The following LARP1B variants were observed in gnomAD, a reference collection of about 807,000 sequenced individuals.
LARP1B encodes La ribonucleoprotein 1B, also known as la-related protein 1B.
LARP1B carries 76 observed loss-of-function variants against 114.2 expected under a neutral mutation model. That is an observed-to-expected ratio of 0.67 (90% confidence interval 0.55 to 0.81). LARP1B has a LOEUF of 0.81. Ranked by LOEUF, LARP1B falls within the 30% of genes least tolerant of loss-of-function variation. LARP1B has a pLI of 0.00. For synonymous variants in LARP1B, 345 were observed against 348.0 expected, an observed-to-expected ratio of 0.99 and a Z score of 0.10; for missense variants, 1,014 against 1,075.8, an observed-to-expected ratio of 0.94 and a Z score of 0.80.
chr4:128,175,491 T>A (rs1189778750), intron 12 of LARP1B, among the ~76,000 whole-genome samples: 1 of 152,208 alleles, frequency 6.6e-6, no homozygotes, highest in East Asian at 1.9e-4. Flanking sequence ...AATTCCATCA[T>A]TCCTTCTGCA....
intron 11 of LARP1B, chr4:128,122,956 AG>A (rs1788474082): frequency 2.0e-6 from 2 of 983,552 alleles, no homozygotes; most frequent in African/African-American, 3.5e-5. Context: ...AAGCCCCAAT[AG>A]TTAAATATTT....
At chr4:128,209,255 C>T (rs1758435167) in intron 19 of LARP1B, among the ~76,000 whole-genome samples, 1 of 152,104 alleles carries the variant, frequency 6.6e-6, no homozygotes, top group Non-Finnish European at 1.5e-5. Flanking sequence ...CCCGTCTCTA[C>T]TAAAAATACG....
chr4:128,094,525 GC>G (rs1580255384), intron 7 of LARP1B, among the ~76,000 whole-genome samples: 1 of 149,622 alleles, frequency 6.7e-6, no homozygotes, highest in East Asian at 2.0e-4. Context: ...TCCTGCCTTA[GC>G]CTCTCGAATA....
chr4:128,070,255 G>A (rs1162007345), intron 1 of LARP1B, among the ~76,000 whole-genome samples: 1 of 151,960 alleles, frequency 6.6e-6, no homozygotes, highest in Non-Finnish European at 1.5e-5. Flanking sequence ...GGGAGGCGGA[G>A]CTTGCAGTGA....
At chr4:128,190,125 T>C (rs1365681524) in intron 15 of LARP1B, among the ~76,000 whole-genome samples, 1 of 152,236 alleles carries the variant, frequency 6.6e-6, no homozygotes, top group African/African-American at 2.4e-5. Flanking sequence ...TAGTGATGAA[T>C]TCCCTTAGCT....
At chr4:128,068,537 A>C (rs1403477805) in intron 1 of LARP1B, among the ~76,000 whole-genome samples, 1 of 152,002 alleles carries the variant, frequency 6.6e-6, no homozygotes, top group African/African-American at 2.4e-5. Flanking sequence ...GTATCTTGCC[A>C]TGTTGCCTAG....
chr4:128,083,820 C>T (rs1771976432), intron 5 of LARP1B, among the ~76,000 whole-genome samples: 1 of 151,024 alleles, frequency 6.6e-6, no homozygotes, highest in Non-Finnish European at 1.5e-5. Flanking sequence ...CACCTCCCTC[C>T]CGGACGGGGC....
chr4:128,075,874 T>C (rs1272858680), intron 3 of LARP1B, among the ~76,000 whole-genome samples: 3 of 152,132 alleles, frequency 2.0e-5, no homozygotes, highest in Non-Finnish European at 4.4e-5. Flanking sequence ...TGAAGACATA[T>C]TATAAATTGT....
chr4:128,170,724 G>A (rs1168842261), intron 12 of LARP1B, among the ~76,000 whole-genome samples: 1 of 151,948 alleles, frequency 6.6e-6, no homozygotes, highest in East Asian at 1.9e-4. Context: ...TATATTTGAA[G>A]TCAGTTTATT....
At position 128,211,490 on chromosome 4, in the gene LARP1B, A is replaced by G; in HGVS notation, c.*1437A>G. 1.1e-6 allele frequency: 1 copy of G among 904,512 alleles called. No individual in the cohort carries two copies. The highest frequency in any genetic ancestry group is 1.3e-6 in the Non-Finnish European group (1 of 756,166). 56.0% of individuals were successfully genotyped at this position (904,512 alleles called of 1,614,324 possible). On this transcript the variant is annotated 3_prime_UTR_variant, in exon 20 of 20. Transcript: ENST00000326639. ...AATAATCAGCAGTTTTATAATATTT[A>G]CTATTTGGAGGGTCATTTTGATGCT...
At chr4:128,120,662 G>T (rs1021674140) in intron 10 of LARP1B, among the ~76,000 whole-genome samples, 7 of 151,678 alleles carry the variant, frequency 4.6e-5, no homozygotes, top group Non-Finnish European at 1.0e-4. Context: ...TAGAGATGGG[G>T]TCTCACCATG....
chr4:128,067,105 A>G (rs1228497973), intron 1 of LARP1B, among the ~76,000 whole-genome samples: 1 of 152,066 alleles, frequency 6.6e-6, no homozygotes, highest in Admixed American at 6.6e-5. Context: ...ACCATGGTTG[A>G]CCTCAGGCTA....
chr4:128,065,253 A>ATTTCCTTCTTTCTTTC (rs1553982286), intron 1 of LARP1B, among the ~76,000 whole-genome samples: 1 of 89,544 alleles, frequency 1.1e-5, no homozygotes, highest in Non-Finnish European at 2.4e-5. Context: ...CCCACAATTA[A>ATTTCCTTCTTTCTTTC]TTTCTTTCTT....
chr4:128,155,518 A>G (rs1178192639), intron 11 of LARP1B: 2 of 792,756 alleles, frequency 2.5e-6, no homozygotes, highest in Non-Finnish European at 4.6e-6. Context: ...GATCAGCAAC[A>G]TGAGTGGCAG....
chr4:128,085,622 C>T (rs1773172573), intron 5 of LARP1B, among the ~76,000 whole-genome samples: 1 of 152,172 alleles, frequency 6.6e-6, no homozygotes, highest in Non-Finnish European at 1.5e-5. Flanking sequence ...CCTGCCTCGG[C>T]CTCCCGAAGT....
At chr4:128,137,145 T>TA (rs1189574677) in intron 11 of LARP1B, among the ~76,000 whole-genome samples, 16 of 151,644 alleles carry the variant, frequency 1.1e-4, no homozygotes, top group Non-Finnish European at 2.4e-4. Flanking sequence ...TGACTTTAAT[T>TA]AAAAAAACTC....
chr4:128,109,800 AC>A (rs1171986579), intron 9 of LARP1B, among the ~76,000 whole-genome samples: 1 of 151,706 alleles, frequency 6.6e-6, no homozygotes, highest in Admixed American at 6.6e-5. Context: ...TTTTCAGGAA[AC>A]CTTTTTAATT....
chr4:128,204,604 G>A (rs146497544), intron 17 of LARP1B, among the ~76,000 whole-genome samples: 2,709 of 151,068 alleles, frequency 0.018, 64 homozygotes, highest in East Asian at 0.1. Context: ...GCAGTGAGCC[G>A]AGATCGCACC....
At chr4:128,108,638 CATT>C (rs1782904448) in intron 9 of LARP1B, 4 of 985,150 alleles carry the variant, frequency 4.1e-6, no homozygotes, top group Non-Finnish European at 4.8e-6. Context: ...AGAAAAGTGA[CATT>C]ATTTTAGCTA....
Sources: allele counts gnomAD v4.1 joint callset (sites outside exome capture counted in the v4.1 genomes callset), GRCh38; gene constraint gnomAD v4.1.1; transcripts MANE v1.5; gene names NCBI Gene and HGNC (gene_info 2026-07-23, HGNC 2026-07-21).